RAPGEF5: variants seen among roughly 807,000 people sequenced by gnomAD.
The protein encoded by RAPGEF5 is M-Ras-regulated GEF.
A neutral mutation model predicts 125.2 loss-of-function variants in RAPGEF5; 65 were observed. That is an observed-to-expected ratio of 0.52 (90% CI 0.43 to 0.64). RAPGEF5 has a LOEUF of 0.64. Among genes scored for constraint, RAPGEF5 ranks in the 30% least tolerant of loss-of-function variants. RAPGEF5 has a pLI of 0.00. For missense variants in RAPGEF5, 958 were observed against 1,048.1 expected, an observed-to-expected ratio of 0.91 and a Z score of 1.19; for synonymous variants, 391 against 385.9, an observed-to-expected ratio of 1.01 and a Z score of -0.16.
intron 3 of RAPGEF5, among the ~76,000 whole-genome samples, chr7:22,311,409 G>C (rs1783468519): frequency 6.6e-6 from 1 of 152,128 alleles, no homozygotes; most frequent in South Asian, 2.1e-4. Flanking sequence ...TATTTCTAAA[G>C]TAGAAAAATA....
chr7:22,302,483 G>A (rs555579347), intron 5 of RAPGEF5, among the ~76,000 whole-genome samples: 95 of 152,252 alleles, frequency 6.2e-4, no homozygotes, highest in African/African-American at 2.2e-3. Context: ...CCAAAAGAAT[G>A]CCAAGAACAG....
intron 2 of RAPGEF5, among the ~76,000 whole-genome samples, chr7:22,317,232 CTT>C (rs57943728): frequency 7.0e-6 from 1 of 142,928 alleles, no homozygotes; most frequent in Non-Finnish European, 1.5e-5. Flanking sequence ...AAAAATGCAA[CTT>C]TTTTTTTCTT....
chr7:22,292,541 G>A (rs372010431), intron 5 of RAPGEF5, among the ~76,000 whole-genome samples: 24 of 152,226 alleles, frequency 1.6e-4, no homozygotes, highest in African/African-American at 5.3e-4. Flanking sequence ...TTTTAATAAG[G>A]TTACCTGGAT....
At position 22,162,549 on chromosome 7, in the gene RAPGEF5, T is replaced by C. The variant is rs41273960; in HGVS notation, c.1284-8A>G. The C allele has an allele frequency of 5.2e-5, 83 of 1,599,402 alleles. No homozygotes were observed. Among genetic ancestry groups the C allele is most frequent in the Non-Finnish European group, 6.7e-5 (79 of 1,170,876 alleles). On this transcript the variant is annotated splice_region_variant and splice_polypyrimidine_tract_variant and intron_variant, in intron 12 of 25. Transcript: ENST00000665637. ...TACTTCTTAGCAGAATAGGTGCAAA[T>C]GGTTAAGAAAAAATTATATTGTTGA...
chr7:22,318,022 T>C lies in RAPGEF5; in HGVS notation c.247A>G (p.Ile83Val), dbSNP rs1487507116. 6.5e-7 allele frequency: 1 copy of C among 1,543,922 alleles called. No homozygotes were observed. The highest frequency in any genetic ancestry group is 1.7e-4 in the Middle Eastern group (1 of 5,932). ...GTATGTTCAAGGTACGGATTAGATA[T>C]TCTTCTTGATAGAGTCTATTTTAAA... is the stretch of plus-strand genomic sequence containing the variant. ...AAGGRTLSRR[I>V]SNPYLEHTPS... Residue 83 changes from isoleucine (I) to valine (V), a missense_variant, in exon 2 of 26, where the codon ATA becomes GTA. By Grantham distance (29) the Ile-to-Val change is conservative. Coordinates refer to ENST00000665637, the MANE Select transcript of RAPGEF5 (RefSeq NM_012294.5).
chr7:22,304,230 T>C (rs1458421045), intron 5 of RAPGEF5, among the ~76,000 whole-genome samples: 1 of 152,208 alleles, frequency 6.6e-6, no homozygotes, highest in Non-Finnish European at 1.5e-5. Context: ...AATGGTTTAA[T>C]AATTTTATCT....
At chr7:22,177,296 C>A (rs1333473403) in intron 11 of RAPGEF5, among the ~76,000 whole-genome samples, 3 of 152,300 alleles carry the variant, frequency 2.0e-5, no homozygotes, top group South Asian at 2.1e-4. Flanking sequence ...CAACCCCTAC[C>A]CAGCATATGT....
Position 22,197,351 on chromosome 7 carries a change from T to C in RAPGEF5, c.997-3318A>G, listed in dbSNP as rs142561577. ...GAGAGAACCTTTCAGATGGCAAACG[T>C]TGAAAATCATCTAGCTTGACACTAC... On this transcript the variant is annotated intron_variant, in intron 9 of 25. Transcript: ENST00000665637. Among the ~76,000 whole-genome samples, 163 of 152,278 alleles carry C rather than the reference T, an allele frequency of 1.1e-3. 1 individual carries two copies. Among genetic ancestry groups the C allele is most frequent in the Middle Eastern group, 3.4e-3 (1 of 294 alleles).
At position 22,284,303 on chromosome 7, in the gene RAPGEF5, C is replaced by G. The variant is rs58739329; in HGVS notation, c.747+6872G>C. 1.8e-3 allele frequency among the ~76,000 whole-genome samples: 280 copies of G among 152,268 alleles called. 3 individuals carry two copies. The highest frequency in any genetic ancestry group is 6.5e-3 in the African/African-American group (271 of 41,552). ...AGAAGGAGCTTTAGCCAGCATTCCA[C>G]GTGGTCCTACAGACTGACAGTCCAT... On this transcript the variant is annotated intron_variant, in intron 6 of 25. Coordinates refer to ENST00000665637, the MANE Select transcript of RAPGEF5 (RefSeq NM_012294.5).
At chr7:22,132,959 ACCACTGCGCCTCT>A (rs1448391624) in intron 23 of RAPGEF5, among the ~76,000 whole-genome samples, 1 of 152,086 alleles carries the variant, frequency 6.6e-6, no homozygotes, top group Non-Finnish European at 1.5e-5. Flanking sequence ...GCTCCCCCTC[ACCACTGCGCCTCT>A]CCAGGCACCT....
chr7:22,311,321 T>C (rs1036462008), intron 3 of RAPGEF5, among the ~76,000 whole-genome samples: 1 of 152,168 alleles, frequency 6.6e-6, no homozygotes, highest in Non-Finnish European at 1.5e-5. Flanking sequence ...GCCAAAATGT[T>C]TTTTTAAAAT....
At chr7:22,242,102 G>A (rs1299325543) in intron 7 of RAPGEF5, among the ~76,000 whole-genome samples, 1 of 152,170 alleles carries the variant, frequency 6.6e-6, no homozygotes, top group East Asian at 1.9e-4. Context: ...AAAAAGCTAT[G>A]GGCCTGATCT....
chr7:22,311,051 G>C (rs531430269), intron 3 of RAPGEF5, among the ~76,000 whole-genome samples: 57 of 152,064 alleles, frequency 3.7e-4, no homozygotes, highest in African/African-American at 1.4e-3. Context: ...TTTGAGACAG[G>C]GTCATACTCT....
Position 22,219,866 on chromosome 7 carries a change from G to A in RAPGEF5, c.996C>T (p.His332=), listed in dbSNP as rs780175502. 6.2e-6 allele frequency: 10 copies of A among 1,604,602 alleles called. No homozygotes were observed. Among genetic ancestry groups the A allele is most frequent in the African/African-American group, 1.3e-5 (1 of 74,886 alleles). ...CATCCCCAAGAGGCAAAAGGCTTACGTGTTCAGACTTCTCCTGTTCTTTTT... is the reference window on the plus strand; with the variant it reads ...CATCCCCAAGAGGCAAAAGGCTTACATGTTCAGACTTCTCCTGTTCTTTTT... ...TDKKEQEKSE[H]QDDEVTTVQV... is the part of the protein sequence containing the mutation. Residue 332 remains histidine (H), a splice_region_variant and synonymous_variant, in exon 9 of 26, where the codon CAC becomes CAT. Transcript: ENST00000665637.
chr7:22,257,819 C>T (rs762530144), intron 7 of RAPGEF5, among the ~76,000 whole-genome samples: 2 of 152,014 alleles, frequency 1.3e-5, no homozygotes, highest in Non-Finnish European at 2.9e-5. Context: ...TTTGTTTTTT[C>T]CTAATACAAT....
chr7:22,226,933 T>C (rs1785933442), intron 8 of RAPGEF5, among the ~76,000 whole-genome samples: 2 of 152,146 alleles, frequency 1.3e-5, no homozygotes, highest in Non-Finnish European at 2.9e-5. Flanking sequence ...TTACATGAAA[T>C]TTATGCTGTT....
rs2128105897 is a variant in RAPGEF5, at chr7:22,147,004, T to G, written c.1900A>C (p.Asn634His). ...ATCGACCTTTGCTGTGATTCCTCAT[T>G]TTCTGCAAATGGGTTCTAAACCAAC... is the stretch of plus-strand genomic sequence containing the variant. ...LADTLNPFAE[N>H]EESQQRSMRI... Residue 634 changes from asparagine to histidine, a missense_variant, in exon 19 of 26, where the codon AAT becomes CAT. By Grantham distance (68) the Asn-to-His change is moderately conservative. Transcript: ENST00000665637. The G allele has an allele frequency of 6.2e-7, 1 of 1,613,304 alleles. No individual in the cohort carries two copies. The highest frequency in any genetic ancestry group is 2.2e-5 in the East Asian group (1 of 44,876).
At chr7:22,304,440 G>T (rs1460043940) in intron 5 of RAPGEF5, among the ~76,000 whole-genome samples, 1 of 152,188 alleles carries the variant, frequency 6.6e-6, no homozygotes, top group Non-Finnish European at 1.5e-5. Context: ...ACAAAAGACT[G>T]CAAGTAATCT....
At chr7:22,123,746 C>T (rs4302744) in intron 25 of RAPGEF5, among the ~76,000 whole-genome samples, 3,627 of 152,262 alleles carry the variant, frequency 0.024, 80 homozygotes, top group East Asian at 0.12. Context: ...CTGTTTTATT[C>T]CAGAATGCCT....
Sources: gnomAD v4.1 joint callset for allele counts (sites outside exome capture counted in the v4.1 genomes callset) on GRCh38, gnomAD v4.1.1 for gene constraint, MANE v1.5 for transcripts, NCBI Gene and HGNC (gene_info 2026-07-23, HGNC 2026-07-21) for gene names.